The following CA7 variants were observed in gnomAD, a reference collection of about 807,000 sequenced individuals.
The protein encoded by CA7 is carbonate dehydratase VII.
Under a neutral mutation model 31.4 loss-of-function variants are expected in CA7, and 13 were observed. The observed-to-expected ratio is 0.41, with a 90% CI of 0.27 to 0.66. The LOEUF is 0.66. CA7 is among the 30% of genes least tolerant of loss of function. The pLI is 0.28. For synonymous variants in CA7, 128 were observed against 133.2 expected (o/e 0.96, Z 0.27); for missense variants, 215 against 351.0 (o/e 0.61, Z 3.10).
chr16:66,847,330 G>T (rs943038006), intron 2 of CA7, 103 bp downstream of exon 2: 16 of 1,005,956 alleles, frequency 1.6e-5, no homozygotes, highest in Middle Eastern at 3.0e-4. Flanking sequence ...GGTAAGAAAG[G>T]TTCCTCCTCT....
intron 2 of CA7, among the ~76,000 whole-genome samples, chr16:66,849,935 A>G (rs1023866053): frequency 6.6e-6 from 1 of 152,202 alleles, no homozygotes; most frequent in Non-Finnish European, 1.5e-5. Flanking sequence ...CCTGGCCAAC[A>G]TGGTGAAACT....
Position 66,850,561 on chromosome 16 carries a change from G to C in CA7, c.259G>C (p.Glu87Gln). The C allele has an allele frequency of 6.2e-7, 1 of 1,613,178 alleles. No individual in the cohort carries two copies. The highest frequency in any genetic ancestry group is 8.5e-7 in the Non-Finnish European group (1 of 1,179,176). Residue 87 changes from glutamate (E) to glutamine (Q), a missense_variant, in exon 3 of 7, where the codon GAA (glutamate) becomes CAA (glutamine). Transcript: ENST00000338437. ...DRTVVTGGPL[E>Q]GPYRLKQFHF... ...CACAGTGGTGACTGGGGGCCCCCTGGAAGGGCCCTACCGCCTCAAGCAGTT... is the reference window on the plus strand; with the variant it reads ...CACAGTGGTGACTGGGGGCCCCCTGCAAGGGCCCTACCGCCTCAAGCAGTT...
At chr16:66,852,614 GAAAA>G in intron 5 of CA7, 94 bp from the exon 6 acceptor site, 1 of 818,612 alleles carries the variant, frequency 1.2e-6, no homozygotes, top group Non-Finnish European at 1.7e-6. Flanking sequence ...AAAGAAAAAA[GAAAA>G]GAAAAAAGAA....
chr16:66,846,742 C>T lies in CA7; in HGVS notation c.41-288C>T, dbSNP rs148907687. Among the ~76,000 whole-genome samples, 193 of 152,334 alleles carry T rather than the reference C, an allele frequency of 1.3e-3. 3 individuals are homozygous for T. The East Asian group carries it at 0.014, about 11-fold the overall frequency. On this transcript the variant is annotated intron_variant, in intron 1 of 6. Coordinates refer to ENST00000338437, the MANE Select transcript of CA7 (RefSeq NM_005182.3). ...CTCCCTGTTGGGGAGACTTATTACT[C>T]TGAGCCACCCCGAGCCTGTAGCTGT...
intron 3 of CA7, 29 bp downstream of exon 3, chr16:66,850,688 C>G (rs1961026109): frequency 3.4e-6 from 5 of 1,466,262 alleles, no homozygotes; most frequent in Non-Finnish European, 4.8e-6. Context: ...TTGAATCCCT[C>G]TGCTACATGG....
intron 1 of CA7, 43 bp downstream of exon 1, chr16:66,844,570 A>T: frequency 6.7e-7 from 1 of 1,484,560 alleles, no homozygotes; most frequent in South Asian, 1.2e-5. Flanking sequence ...CGGACCCCCG[A>T]CCCAACTGCA....
At chr16:66,851,823 A>T in intron 5 of CA7, 97 bp downstream of exon 5, 1 of 1,103,108 alleles carries the variant, frequency 9.1e-7, no homozygotes, top group Non-Finnish European at 1.4e-6. Flanking sequence ...CTGGGAGTAA[A>T]CCCTTGCTGA....
Position 66,844,463 on chromosome 16 carries a change from G to C in CA7, c.-25G>C. On this transcript the variant is annotated 5_prime_UTR_variant, in exon 1 of 7. Transcript: ENST00000338437. Reference sequence around the variant, plus strand: ...AGCGGACCGAGCCGACCGGGCAGGTGCACGGCTGCGGGGACGGCAGCGGCA... The same window carrying C: ...AGCGGACCGAGCCGACCGGGCAGGTCCACGGCTGCGGGGACGGCAGCGGCA... 6.5e-7 allele frequency: 1 copy of C among 1,537,432 alleles called. No individual in the cohort carries two copies. Among genetic ancestry groups the C allele is most frequent in the South Asian group, 1.2e-5 (1 of 82,466 alleles).
chr16:66,850,745 T>A (rs1597062755), intron 3 of CA7, 86 bp downstream of exon 3: 1 of 1,022,148 alleles, frequency 9.8e-7, no homozygotes, highest in African/African-American at 1.6e-5. Flanking sequence ...ATGCCTGGGG[T>A]CGGGCCTTGG....
chr16:66,850,408 T>G (rs561427937), intron 2 of CA7, 133 bp from the exon 3 acceptor site: 238 of 689,714 alleles, frequency 3.5e-4, no homozygotes, highest in South Asian at 3.3e-3. Context: ...ACCATGGCAC[T>G]CCAGCCTGGG....
intron 1 of CA7, 112 bp downstream of exon 1, chr16:66,844,639 G>T: frequency 3.2e-6 from 3 of 924,364 alleles, no homozygotes; most frequent in Non-Finnish European, 4.8e-6. Context: ...CACACTCCAG[G>T]CTGGGCGGGA....
chr16:66,852,547 G>A (rs60598388), intron 5 of CA7, among the ~76,000 whole-genome samples, 165 bp from the exon 6 acceptor site: 34 of 134,998 alleles, frequency 2.5e-4, no homozygotes, highest in Non-Finnish European at 4.8e-4. Context: ...AGGAAGGAAG[G>A]AAGAAAGAAA....
intron 2 of CA7, 86 bp downstream of exon 2, chr16:66,847,313 T>C: frequency 8.3e-7 from 1 of 1,208,338 alleles, no homozygotes; most frequent in Non-Finnish European, 1.2e-6. Flanking sequence ...GGAAGCATGC[T>C]ATGGTGGGTA....
chr16:66,845,342 T>A (rs1166506662), intron 1 of CA7: 1 of 559,648 alleles, frequency 1.8e-6, no homozygotes, highest in East Asian at 1.4e-4. Flanking sequence ...CCTATTTCCC[T>A]GGGGAGCCAG....
At chr16:66,849,294 G>C (rs1373428456) in intron 2 of CA7, among the ~76,000 whole-genome samples, 1 of 152,184 alleles carries the variant, frequency 6.6e-6, no homozygotes, top group Non-Finnish European at 1.5e-5. Context: ...GGCACTGGAG[G>C]CACCTGGGCC....
chr16:66,849,609 G>C (rs899630155), intron 2 of CA7, among the ~76,000 whole-genome samples: 5 of 152,196 alleles, frequency 3.3e-5, no homozygotes, highest in Non-Finnish European at 5.9e-5. Flanking sequence ...CTGGATCAGG[G>C]TTTCAGACAT....
intron 2 of CA7, among the ~76,000 whole-genome samples, chr16:66,847,442 C>A (rs1960953594): frequency 6.6e-6 from 1 of 152,186 alleles, no homozygotes; most frequent in Non-Finnish European, 1.5e-5. Flanking sequence ...AATGAAAAAA[C>A]CAAGTAAGGT....
At chr16:66,844,994 G>A (rs953122135) in intron 1 of CA7, 1 of 990,498 alleles carries the variant, frequency 1.0e-6, no homozygotes, top group Non-Finnish European at 1.2e-6. Context: ...AGTGTCCCCC[G>A]GAGAGAATTT....
intron 2 of CA7, among the ~76,000 whole-genome samples, 159 bp from the exon 3 acceptor site, chr16:66,850,382 C>T (rs1961014215): frequency 6.6e-6 from 1 of 152,008 alleles, no homozygotes; most frequent in African/African-American, 2.4e-5. Context: ...TTGAGGCTAT[C>T]ATAAGCCATG....
Sources: allele counts gnomAD v4.1 joint callset (sites outside exome capture counted in the v4.1 genomes callset), GRCh38; gene constraint gnomAD v4.1.1; transcripts MANE v1.5; gene names NCBI Gene and HGNC (gene_info 2026-07-23, HGNC 2026-07-21).